TP53BP1: variants seen among roughly 807,000 people sequenced by gnomAD.
TP53BP1 encodes the protein tumor protein p53 binding protein 1.
TP53BP1 carries 61 observed loss-of-function variants against 200.8 expected under a neutral mutation model. That is an observed-to-expected ratio of 0.30 (90% CI 0.25 to 0.38). The LOEUF (loss-of-function observed/expected upper bound fraction) is 0.38. Among genes scored for constraint, TP53BP1 ranks in the 10% least tolerant of loss-of-function variants. TP53BP1 has a pLI of 1.00. For missense variants in TP53BP1, 2,144 were observed against 2,371.9 expected (o/e 0.90, Z 2.00); for synonymous variants, 822 against 844.3 (o/e 0.97, Z 0.46).
rs1338500494 is a variant in TP53BP1, at chr15:43,447,466, A to T, written c.2736T>A (p.Thr912=). Residue 912 remains threonine (T), a synonymous_variant, in exon 13 of 28, where the codon ACT becomes ACA. Transcript: ENST00000382044. ...ESSSETPFHF[T]LPKEGDIIPP... ...GGATGATATCACCTTCTTTAGGCAA[A>T]GTGAAATGAAATGGGGTTTCTGAAA... is the stretch of plus-strand genomic sequence containing the variant. 3.4e-6 allele frequency: 5 copies of T among 1,478,338 alleles called. No individual in the cohort carries two copies. The highest frequency in any genetic ancestry group is 4.5e-6 in the Non-Finnish European group (5 of 1,103,384). The allele number at this position is 1,478,338 out of a possible 1,614,324, so 91.6% of individuals were successfully genotyped here.
chr15:43,479,297 TAA>T, intron 7 of TP53BP1, 98 bp downstream of exon 7: 1 of 1,324,538 alleles, frequency 7.5e-7, no homozygotes, highest in Non-Finnish European at 1.0e-6. Flanking sequence ...GAAAATAATT[TAA>T]AAATCAACAA....
chr15:43,472,437 A>G (rs2046749249), intron 10 of TP53BP1, among the ~76,000 whole-genome samples: 1 of 152,244 alleles, frequency 6.6e-6, no homozygotes, highest in African/African-American at 2.4e-5. Flanking sequence ...ACTGGATAGG[A>G]GACTAGGTCA....
At chr15:43,407,696 C>T (rs904932293) in intron 27 of TP53BP1, 126 bp from the exon 28 acceptor site, 28 of 931,812 alleles carry the variant, frequency 3.0e-5, no homozygotes, top group African/African-American at 5.0e-5. Context: ...ATGTCAAACA[C>T]ACTGCTACTG....
chr15:43,441,271 G>C (rs1342821263), intron 15 of TP53BP1: 4 of 345,566 alleles, frequency 1.2e-5, no homozygotes, highest in Non-Finnish European at 2.1e-5. Context: ...GAAAAAAGGG[G>C]GGAAAGGAAC....
intron 16 of TP53BP1, among the ~76,000 whole-genome samples, chr15:43,436,786 CTTAA>C: frequency 6.6e-6 from 1 of 152,056 alleles, no homozygotes; most frequent in East Asian, 1.9e-4. Context: ...CAGCCGCTTC[CTTAA>C]TTATTTAAAT....
In TP53BP1 at chr15:43,405,166, C is replaced by G. The variant is rs779999859; in HGVS notation, c.*2217G>C. On this transcript the variant is annotated 3_prime_UTR_variant, in exon 28 of 28. Coordinates refer to ENST00000382044, the MANE Select transcript of TP53BP1 (RefSeq NM_001141980.3). ...TTCTTTGAAGGTAGTCTTGGGAAAGCATGACACTTAATAAGGCTCTTTTTC... is the reference window on the plus strand; with the variant it reads ...TTCTTTGAAGGTAGTCTTGGGAAAGGATGACACTTAATAAGGCTCTTTTTC... 1.2e-6 allele frequency: 2 copies of G among 1,613,426 alleles called. No homozygotes were observed. The highest frequency in any genetic ancestry group is 2.2e-5 in the South Asian group (2 of 91,008).
upstream of TP53BP1, among the ~76,000 whole-genome samples, chr15:43,495,524 CACACACACAA>C (rs2079177499): frequency 1.3e-5 from 2 of 148,944 alleles, no homozygotes; most frequent in Admixed American, 6.7e-5. Flanking sequence ...CACACACACA[CACACACACAA>C]AAGCCAGGTG....
chr15:43,498,196 A>G (rs148136689), intron 1 of TP53BP1, among the ~76,000 whole-genome samples: 3 of 152,344 alleles, frequency 2.0e-5, no homozygotes, highest in East Asian at 3.9e-4. Flanking sequence ...TTCAAAATAA[A>G]TATCATTAAT....
chr15:43,505,630 A>G (rs1252217235), intron 1 of TP53BP1, among the ~76,000 whole-genome samples: 1 of 152,216 alleles, frequency 6.6e-6, no homozygotes, highest in Non-Finnish European at 1.5e-5. Flanking sequence ...CTGCCCATTT[A>G]CTTAATGTGA....
chr15:43,498,289 GA>G (rs1057342777), intron 1 of TP53BP1, among the ~76,000 whole-genome samples: 3 of 152,158 alleles, frequency 2.0e-5, no homozygotes, highest in African/African-American at 7.2e-5. Context: ...ATTACAAAGA[GA>G]AAAGTGGTAA....
chr15:43,466,161 G>A (rs2046575411), intron 11 of TP53BP1, among the ~76,000 whole-genome samples: 1 of 152,160 alleles, frequency 6.6e-6, no homozygotes, highest in East Asian at 1.9e-4. Flanking sequence ...AACCCAAGAG[G>A]TATCCAACAC....
At chr15:43,492,540 A>C in intron 1 of TP53BP1, 72 bp from the exon 2 acceptor site, 15 of 1,242,798 alleles carry the variant, frequency 1.2e-5, no homozygotes, top group Non-Finnish European at 1.6e-5. Context: ...AACCTAAATA[A>C]TGGGGCGGAA....
At chr15:43,475,460 T>C (rs1466484982) in intron 9 of TP53BP1, 105 bp downstream of exon 9, 1 of 1,365,554 alleles carries the variant, frequency 7.3e-7, no homozygotes, top group East Asian at 2.3e-5. Flanking sequence ...CCATTTGGTT[T>C]CAAAAAGAAT....
At chr15:43,420,875 C>G in intron 20 of TP53BP1, 140 bp from the exon 21 acceptor site, 1 of 1,287,414 alleles carries the variant, frequency 7.8e-7, no homozygotes, top group Admixed American at 2.4e-5. Context: ...AGCCTGGTCT[C>G]TCTGTGGCCT....
In TP53BP1 at chr15:43,481,033, G is replaced by A. The variant is rs750134178; in HGVS notation, c.372-11C>T. On this transcript the variant is annotated splice_polypyrimidine_tract_variant and intron_variant, in intron 4 of 27. Coordinates refer to ENST00000382044, the MANE Select transcript of TP53BP1 (RefSeq NM_001141980.3). ...GACATTCCCAGAACACTACACAGCA[G>A]AAGGATATAATCATGTGTTCCCAGA... The A allele has an allele frequency of 6.2e-7, 1 of 1,613,914 alleles. No individual in the cohort carries two copies. The highest frequency in any genetic ancestry group is 8.5e-7 in the Non-Finnish European group (1 of 1,179,966).
Position 43,449,156 on chromosome 15 carries a change from A to T in TP53BP1, c.2717-1671T>A, listed in dbSNP as rs924251476. Among the ~76,000 whole-genome samples, 3 of 152,136 alleles carry T rather than the reference A, an allele frequency of 2.0e-5. No homozygotes were observed. The South Asian group carries it at 6.2e-4, about 32-fold the overall frequency. ...AAACAAAACAAAACAAAACAAAAAC[A>T]AACCTGTAAACAGTATGGATGAAGA... On this transcript the variant is annotated intron_variant, in intron 12 of 27. Transcript: ENST00000382044.
At position 43,481,021 on chromosome 15, in the gene TP53BP1, C is replaced by T; in HGVS notation, c.373G>A (p.Val125Ile). The change falls in exon 5 of 28, where the codon GTT becomes ATT. Residue 125 changes from valine to isoleucine, a missense_variant and splice_region_variant. Physicochemically the swap from Val to Ile is conservative, Grantham distance 29. Coordinates refer to ENST00000382044, the MANE Select transcript of TP53BP1 (RefSeq NM_001141980.3). ...GCAGATTCCACTGACATTCCCAGAA[C>T]ACTACACAGCAGAAGGATATAATCA... is the stretch of plus-strand genomic sequence containing the variant. Reference protein sequence around the residue: ...QLPQPNRTSSVLGMSVESAPA... With the variant: ...QLPQPNRTSSILGMSVESAPA... 1 of 1,614,044 alleles carries T rather than the reference C, an allele frequency of 6.2e-7. No homozygotes were observed.
intron 21 of TP53BP1, among the ~76,000 whole-genome samples, chr15:43,418,344 A>T (rs2045316079): frequency 6.7e-6 from 1 of 150,092 alleles, no homozygotes; most frequent in South Asian, 2.1e-4. Context: ...CGAAAAACAC[A>T]AAAAAAAATT....
At position 43,404,280 on chromosome 15, in the gene TP53BP1, A is replaced by G; in HGVS notation, c.*3103T>C. On this transcript the variant is annotated 3_prime_UTR_variant, in exon 28 of 28. Transcript: ENST00000382044. ...ATTTTAGGAACTAATAGAAATAGGA[A>G]TGTGGGAAGGCCAGGTGGTTCTGTA... The G allele has an allele frequency of 9.9e-7, 1 of 1,013,434 alleles. No homozygotes were observed. Among genetic ancestry groups the G allele is most frequent in the Non-Finnish European group, 1.4e-6 (1 of 702,462 alleles). 62.8% of individuals were successfully genotyped at this position (1,013,434 alleles called of 1,614,324 possible).
Sources: gnomAD v4.1 joint callset for allele counts (sites outside exome capture counted in the v4.1 genomes callset) on GRCh38, gnomAD v4.1.1 for gene constraint, MANE v1.5 for transcripts, NCBI Gene and HGNC (gene_info 2026-07-23, HGNC 2026-07-21) for gene names.